The following SGCD variants were observed in gnomAD, a reference collection of about 807,000 sequenced individuals.
SGCD encodes the protein delta-sarcoglycan.
Under a neutral mutation model 36.6 loss-of-function variants are expected in SGCD, and 18 were observed. The observed-to-expected ratio is 0.49, with a 90% CI of 0.34 to 0.73. The LOEUF is 0.73. Ranked by LOEUF, SGCD falls within the 30% of genes least tolerant of loss-of-function variation. SGCD has a pLI of 0.01. For synonymous variants in SGCD, 133 were observed against 130.6 expected (o/e 1.02, Z -0.12); for missense variants, 387 against 346.7 (o/e 1.12, Z -0.92).
At chr5:155,990,471 A>G (rs1581030341) in intron 1 of SGCD, among the ~76,000 whole-genome samples, 1 of 152,196 alleles carries the variant, frequency 6.6e-6, no homozygotes, top group East Asian at 1.9e-4. Flanking sequence ...ATATTTTTGT[A>G]GACAGTTGTC....
intron 1 of SGCD, among the ~76,000 whole-genome samples, chr5:155,937,594 G>C (rs1043943496): frequency 6.6e-6 from 1 of 152,178 alleles, no homozygotes; most frequent in Non-Finnish European, 1.5e-5. Context: ...ATAATATTTG[G>C]GATAGCTGTT....
intron 7 of SGCD, among the ~76,000 whole-genome samples, chr5:156,753,207 T>C (rs1757213451): frequency 6.6e-6 from 1 of 152,230 alleles, no homozygotes; most frequent in South Asian, 2.1e-4. Context: ...ACCATTCTTC[T>C]TGAAGATATG....
At chr5:155,835,002 A>ATTTTTTTTTTTTTTTTTTT in the SGCD span, among the ~76,000 whole-genome samples, 134 of 60,172 alleles carry the variant, frequency 2.2e-3, 26 homozygotes, top group East Asian at 6.9e-3. Flanking sequence ...TGCCCAGCTA[A>ATTTTTTTTTTTTTTTTTTT]TTTTTTTTTT....
intron 3 of SGCD, among the ~76,000 whole-genome samples, chr5:156,127,902 C>T (rs1382801092): frequency 3.7e-5 from 2 of 53,814 alleles, no homozygotes. Flanking sequence ...TCTCCTGGAA[C>T]AAAAGCTAGA....
At chr5:155,850,315 C>G in the SGCD span, among the ~76,000 whole-genome samples, 6 of 152,038 alleles carry the variant, frequency 3.9e-5, no homozygotes, top group Non-Finnish European at 8.8e-5. Context: ...TGAAACCTGC[C>G]TAGCCTCAAA....
chr5:156,369,859 T>A (rs1324460599), intron 3 of SGCD, among the ~76,000 whole-genome samples: 1 of 152,094 alleles, frequency 6.6e-6, no homozygotes, highest in Non-Finnish European at 1.5e-5. Context: ...AAATTCCAAA[T>A]GGGGTTTAAA....
At chr5:155,822,502 A>G in the SGCD span, among the ~76,000 whole-genome samples, 1 of 152,224 alleles carries the variant, frequency 6.6e-6, no homozygotes, top group African/African-American at 2.4e-5. Context: ...CTTGAACAAT[A>G]ATTATTTTGC....
At chr5:155,774,365 A>C in the SGCD span, among the ~76,000 whole-genome samples, 1 of 152,194 alleles carries the variant, frequency 6.6e-6, no homozygotes, top group Non-Finnish European at 1.5e-5. Context: ...ATCAAATACT[A>C]GGAGCCATTT....
intron 3 of SGCD, among the ~76,000 whole-genome samples, chr5:156,165,684 G>T (rs1330286249): frequency 6.6e-6 from 1 of 152,180 alleles, no homozygotes; most frequent in Non-Finnish European, 1.5e-5. Flanking sequence ...TGCATACAAG[G>T]TTTAGAAATC....
At chr5:156,716,269 C>T (rs2113766744) in intron 7 of SGCD, among the ~76,000 whole-genome samples, 1 of 152,258 alleles carries the variant, frequency 6.6e-6, no homozygotes, top group South Asian at 2.1e-4. Context: ...GTTTAACAGG[C>T]ATTATTTTAC....
At chr5:155,867,076 G>C (rs1329676603), upstream of SGCD, among the ~76,000 whole-genome samples, 1 of 152,176 alleles carries the variant, frequency 6.6e-6, no homozygotes, top group African/African-American at 2.4e-5. Context: ...GGAAAGGTGG[G>C]TGAGTTGATG....
At chr5:156,234,957 T>C (rs1765117765) in intron 3 of SGCD, among the ~76,000 whole-genome samples, 2 of 152,188 alleles carry the variant, frequency 1.3e-5, no homozygotes, top group Non-Finnish European at 2.9e-5. Flanking sequence ...GAGCCCTAAC[T>C]GATACAAGGG....
chr5:156,559,331 A>T (rs1411535187), intron 4 of SGCD, among the ~76,000 whole-genome samples: 1 of 152,134 alleles, frequency 6.6e-6, no homozygotes, highest in African/African-American at 2.4e-5. Flanking sequence ...GCTTCTTCAG[A>T]CTGTGACCAC....
In SGCD at chr5:155,910,824, C is replaced by A. The variant is rs577433287; in HGVS notation, c.-282+40400C>A. Among the ~76,000 whole-genome samples, 11 of 152,222 alleles carry A rather than the reference C, an allele frequency of 7.2e-5. No homozygotes were observed. In the East Asian group the frequency reaches 2.1e-3, roughly 29 times the overall value. On this transcript the variant is annotated intron_variant, in intron 1 of 9. Transcript: ENST00000517913. Reference sequence around the variant, plus strand: ...CATTGTCAAAGTGGAAGATATCCCCCAATCTTATGATTCATTTGCACTCTG... The same window carrying A: ...CATTGTCAAAGTGGAAGATATCCCCAAATCTTATGATTCATTTGCACTCTG...
At chr5:156,116,322 T>C (rs1324929167) in intron 1 of SGCD, among the ~76,000 whole-genome samples, 2 of 152,160 alleles carry the variant, frequency 1.3e-5, no homozygotes, top group Non-Finnish European at 2.9e-5. Flanking sequence ...CTCTAATTTT[T>C]CTATCCTTAA....
intron 1 of SGCD, among the ~76,000 whole-genome samples, chr5:155,907,598 A>G (rs549405832): frequency 1.2e-4 from 18 of 152,146 alleles, no homozygotes; most frequent in Non-Finnish European, 2.4e-4. Flanking sequence ...GTAACTGCAG[A>G]TATCATAAAA....
the SGCD span, among the ~76,000 whole-genome samples, chr5:155,771,829 G>T: frequency 6.6e-6 from 1 of 152,096 alleles, no homozygotes; most frequent in Non-Finnish European, 1.5e-5. Context: ...TGGGATTATG[G>T]CCATGAGCCA....
At chr5:156,697,542 G>C (rs1331360807) in intron 7 of SGCD, among the ~76,000 whole-genome samples, 1 of 152,140 alleles carries the variant, frequency 6.6e-6, no homozygotes, top group South Asian at 2.1e-4. Flanking sequence ...AGCTATTTCT[G>C]TGAAGTTCTC....
the SGCD span, among the ~76,000 whole-genome samples, chr5:155,737,916 G>T: frequency 2.0e-5 from 3 of 152,178 alleles, no homozygotes; most frequent in Non-Finnish European, 4.4e-5. Context: ...TAATGGGACA[G>T]TGGGGGAGCT....
Sources: gnomAD v4.1 joint callset for allele counts (sites outside exome capture counted in the v4.1 genomes callset) on GRCh38, gnomAD v4.1.1 for gene constraint, MANE v1.5 for transcripts, NCBI Gene and HGNC (gene_info 2026-07-23, HGNC 2026-07-21) for gene names.